KLHL32: variants seen among roughly 807,000 people sequenced by gnomAD.
KLHL32 encodes kelch-like protein 32.
In KLHL32, 35 loss-of-function variants were observed where a neutral mutation model predicts 64.8. The ratio of observed to expected loss-of-function variants is 0.54; its 90% CI spans 0.41 to 0.72. The LOEUF (loss-of-function observed/expected upper bound fraction) is 0.72. Among genes scored for constraint, KLHL32 ranks in the 30% least tolerant of loss-of-function variants. The pLI is 0.00. For missense variants in KLHL32, 589 were observed against 768.5 expected, an observed-to-expected ratio of 0.77 and a Z score of 2.76; for synonymous variants, 259 against 281.0, an observed-to-expected ratio of 0.92 and a Z score of 0.78.
At chr6:96,912,490 C>T in the KLHL32 span, among the ~76,000 whole-genome samples, 1 of 152,122 alleles carries the variant, frequency 6.6e-6, no homozygotes, top group South Asian at 2.1e-4. Context: ...ATACTCTTTT[C>T]TCCATTATCC....
Position 97,114,499 on chromosome 6 carries a change from T to C in KLHL32, c.1344T>C (p.Leu448=), listed in dbSNP as rs1797610058. Residue 448 remains leucine, a synonymous_variant, in exon 7 of 11, where the codon CTT becomes CTC. Coordinates refer to ENST00000369261, the MANE Select transcript of KLHL32 (RefSeq NM_052904.4). The part of the protein sequence containing the change: ...CHAGYVADGL[L]WISGGVTNTA... Reference sequence around the variant, plus strand: ...CTGGATATGTGGCTGATGGTCTTCTTTGGATATCAGGTAGAACATACCTCA... The same window carrying C: ...CTGGATATGTGGCTGATGGTCTTCTCTGGATATCAGGTAGAACATACCTCA... 1 of 1,613,750 alleles carries C rather than the reference T, an allele frequency of 6.2e-7. No individual in the cohort carries two copies. The highest frequency in any genetic ancestry group is 8.5e-7 in the Non-Finnish European group (1 of 1,180,004).
At chr6:97,004,415 A>T (rs1462910005) in intron 3 of KLHL32, among the ~76,000 whole-genome samples, 1 of 152,146 alleles carries the variant, frequency 6.6e-6, no homozygotes, top group Non-Finnish European at 1.5e-5. Flanking sequence ...TAGTCACATC[A>T]TCAGCAAACA....
chr6:97,068,781 GTTATGAATTAAAT>G (rs1325080183), intron 5 of KLHL32, among the ~76,000 whole-genome samples: 79 of 152,234 alleles, frequency 5.2e-4, no homozygotes, highest in South Asian at 2.3e-3. Flanking sequence ...CACTCATTAG[GTTATGAATTAAAT>G]ACATCGTATT....
chr6:97,099,527 CTT>C (rs1395098184), intron 6 of KLHL32, among the ~76,000 whole-genome samples: 1 of 152,232 alleles, frequency 6.6e-6, no homozygotes, highest in Admixed American at 6.5e-5. Flanking sequence ...TACAGATTCT[CTT>C]TTGCAACAGC....
the KLHL32 span, among the ~76,000 whole-genome samples, chr6:96,898,956 A>C: frequency 2.6e-5 from 4 of 152,216 alleles, no homozygotes; most frequent in African/African-American, 4.8e-5. Context: ...TAACCAGCTT[A>C]AAGTAAGAAA....
At chr6:96,976,233 T>C (rs1775676507) in intron 3 of KLHL32, 56 bp downstream of exon 3, 3 of 1,438,974 alleles carry the variant, frequency 2.1e-6, no homozygotes, top group Non-Finnish European at 1.9e-6. Context: ...GATGACAATG[T>C]TTCCCAAACT....
intron 5 of KLHL32, among the ~76,000 whole-genome samples, chr6:97,084,854 G>C (rs1295066088): frequency 6.6e-6 from 1 of 152,160 alleles, no homozygotes; most frequent in Non-Finnish European, 1.5e-5. Context: ...TTCAGCCCTT[G>C]AAACCAGAGA....
chr6:97,089,393 C>T (rs1793884185), intron 6 of KLHL32, among the ~76,000 whole-genome samples: 1 of 152,192 alleles, frequency 6.6e-6, no homozygotes, highest in Non-Finnish European at 1.5e-5. Context: ...TTTATTTCAC[C>T]TTTATCTCTG....
chr6:96,969,443 T>C (rs1373875779), intron 2 of KLHL32, among the ~76,000 whole-genome samples: 1 of 152,338 alleles, frequency 6.6e-6, no homozygotes, highest in South Asian at 2.1e-4. Context: ...CTATCACTGT[T>C]GCTAAACCCT....
rs112265962 is a variant in KLHL32, at chr6:96,970,458, T to C, written c.23+3375T>C. Among the ~76,000 whole-genome samples the C allele has an allele frequency of 2.0e-3, 312 of 152,308 alleles. 2 individuals are homozygous for C. Among genetic ancestry groups the C allele is most frequent in the African/African-American group, 7.3e-3 (304 of 41,558 alleles). On this transcript the variant is annotated intron_variant, in intron 2 of 10. Transcript: ENST00000369261. ...CTGCCTGGAAAACCTTCTCTTTCAC[T>C]TTTAAAAGATTAACTTGTTCTCATC...
At chr6:97,087,634 G>A (rs114355391) in intron 6 of KLHL32, among the ~76,000 whole-genome samples, 1,753 of 152,254 alleles carry the variant, frequency 0.012, 33 homozygotes, top group African/African-American at 0.04. Flanking sequence ...CTGGATGGAG[G>A]GGGGCGTGCT....
intron 3 of KLHL32, among the ~76,000 whole-genome samples, chr6:97,011,969 C>A (rs1192228574): frequency 6.6e-6 from 1 of 152,056 alleles, no homozygotes; most frequent in Non-Finnish European, 1.5e-5. Flanking sequence ...GATATTACAA[C>A]AACTTTACAG....
chr6:96,984,978 T>C (rs1029796145), intron 3 of KLHL32, among the ~76,000 whole-genome samples: 1 of 151,522 alleles, frequency 6.6e-6, no homozygotes, highest in Non-Finnish European at 1.5e-5. Context: ...TGATGGTCTT[T>C]ACAATTTGGC....
intron 4 of KLHL32, among the ~76,000 whole-genome samples, chr6:97,044,685 C>T (rs976035630): frequency 6.6e-6 from 1 of 151,888 alleles, no homozygotes; most frequent in African/African-American, 2.4e-5. Flanking sequence ...GATATAATCT[C>T]CTTACTTGCT....
Position 97,130,768 on chromosome 6 carries a change from A to G in KLHL32, c.1425A>G (p.Ile475Met). The change falls in exon 9 of 11, where the codon ATA (isoleucine) becomes ATG (methionine). Residue 475 changes from isoleucine (I) to methionine (M), a missense_variant. Transcript: ENST00000369261. The stretch of plus-strand genomic sequence containing the variant: ...ATTTCTTTTTTCAGAATAAGTGGAT[A>G]AGCCGTAGCCCCATGCTGCAGAGAA... ...MVYEPNQNKW[I>M]SRSPMLQRRV... 6.2e-7 allele frequency: 1 copy of G among 1,606,524 alleles called. No homozygotes were observed. Among genetic ancestry groups the G allele is most frequent in the South Asian group, 1.1e-5 (1 of 89,262 alleles).
At chr6:97,078,175 T>C (rs928375615) in intron 5 of KLHL32, among the ~76,000 whole-genome samples, 4 of 152,154 alleles carry the variant, frequency 2.6e-5, no homozygotes, top group Admixed American at 2.0e-4. Flanking sequence ...TTGGAATAGA[T>C]TTGGGAGTGG....
intron 1 of KLHL32, among the ~76,000 whole-genome samples, chr6:96,961,468 C>T (rs1340427770): frequency 6.6e-6 from 1 of 152,184 alleles, no homozygotes; most frequent in Non-Finnish European, 1.5e-5. Context: ...ACCTATAGGA[C>T]ACTTACTTTT....
intron 5 of KLHL32, among the ~76,000 whole-genome samples, chr6:97,069,471 G>A (rs1790359426): frequency 1.3e-5 from 2 of 148,216 alleles, no homozygotes; most frequent in African/African-American, 2.5e-5. Flanking sequence ...ATTCTGAGAA[G>A]CACTAGATTC....
intron 6 of KLHL32, among the ~76,000 whole-genome samples, chr6:97,107,171 T>C (rs377376647): frequency 2.0e-5 from 3 of 151,938 alleles, no homozygotes; most frequent in East Asian, 3.9e-4. Context: ...CAGGTGCCTG[T>C]AGTCCCAGCT....
Sources: allele counts gnomAD v4.1 joint callset (sites outside exome capture counted in the v4.1 genomes callset), GRCh38; gene constraint gnomAD v4.1.1; transcripts MANE v1.5; gene names NCBI Gene and HGNC (gene_info 2026-07-23, HGNC 2026-07-21).